Variants in CAPZB observed in about 807,000 individuals in gnomAD.
The protein encoded by CAPZB is F-actin-capping protein subunit beta.
CAPZB carries 2 observed loss-of-function variants against 38.1 expected under a neutral mutation model. The observed-to-expected ratio is 0.05, with a 90% CI of 0.02 to 0.17. The LOEUF is 0.17. CAPZB is among the 10% of genes least tolerant of loss of function. The pLI is 1.00. For synonymous variants in CAPZB, 107 were observed against 127.4 expected (o/e 0.84, Z 1.08); for missense variants, 161 against 334.2 (o/e 0.48, Z 4.04).
chr1:19,410,237 C>G (rs897412545), intron 2 of CAPZB, among the ~76,000 whole-genome samples: 1 of 152,292 alleles, frequency 6.6e-6, no homozygotes, highest in East Asian at 1.9e-4. Context: ...CAGCATAAAT[C>G]AGTTAGAACA....
At chr1:19,342,120 A>G (rs542967947) in intron 8 of CAPZB, among the ~76,000 whole-genome samples, 1 of 152,380 alleles carries the variant, frequency 6.6e-6, no homozygotes, top group East Asian at 1.9e-4. Flanking sequence ...TTAAAGGAAC[A>G]GCTGCAGCTC....
At chr1:19,383,866 ACCCCACCTCCTCTTCTTCCAT>A (rs919520783) in intron 3 of CAPZB, among the ~76,000 whole-genome samples, 14 of 151,236 alleles carry the variant, frequency 9.3e-5, no homozygotes, top group African/African-American at 3.2e-4. Context: ...CACCCTTCAC[ACCCCACCTCCTCTTCTTCCAT>A]CCCCACCTAC....
At chr1:19,344,175 A>G (rs180987422) in intron 8 of CAPZB, among the ~76,000 whole-genome samples, 183 bp downstream of exon 8, 6 of 152,290 alleles carry the variant, frequency 3.9e-5, no homozygotes, top group Admixed American at 1.3e-4. Context: ...GCTGCTACGG[A>G]GAGTGCAGAT....
chr1:19,341,024 A>G (rs1047238191), intron 8 of CAPZB, among the ~76,000 whole-genome samples: 3 of 152,320 alleles, frequency 2.0e-5, no homozygotes, highest in South Asian at 2.1e-4. Flanking sequence ...AGGAGAAGCA[A>G]CAGCACCCAG....
At chr1:19,347,140 C>A (rs1202169926) in intron 6 of CAPZB, among the ~76,000 whole-genome samples, 1 of 152,018 alleles carries the variant, frequency 6.6e-6, no homozygotes. Flanking sequence ...TGCACCTGGC[C>A]GACCCAACTT....
chr1:19,393,131 C>G (rs1446081759), intron 2 of CAPZB, among the ~76,000 whole-genome samples: 1 of 152,240 alleles, frequency 6.6e-6, no homozygotes, highest in Non-Finnish European at 1.5e-5. Flanking sequence ...CACTGAGCCA[C>G]GGAAGCACAG....
At chr1:19,377,762 G>C (rs558235293) in intron 4 of CAPZB, among the ~76,000 whole-genome samples, 1 of 152,306 alleles carries the variant, frequency 6.6e-6, no homozygotes, top group African/African-American at 2.4e-5. Context: ...AACTTTCTCT[G>C]GAGCCCTTCC....
chr1:19,381,929 C>T (rs2094177201), intron 3 of CAPZB, among the ~76,000 whole-genome samples: 1 of 152,108 alleles, frequency 6.6e-6, no homozygotes, highest in East Asian at 1.9e-4. Flanking sequence ...ATAAACAAGG[C>T]TTGGTTCTTC....
At position 19,357,162 on chromosome 1, in the gene CAPZB, G is replaced by A. The variant is rs2094026072; in HGVS notation, c.471+260C>T. Among the ~76,000 whole-genome samples, 1 of 152,140 alleles carries A rather than the reference G, an allele frequency of 6.6e-6. No homozygotes were observed. The highest frequency in any genetic ancestry group is 2.1e-4 in the South Asian group (1 of 4,822). On this transcript the variant is annotated intron_variant, in intron 5 of 8. Coordinates refer to ENST00000264202, the MANE Select transcript of CAPZB (RefSeq NM_004930.5). The surrounding 1 kb of genome is among the most constrained non-coding windows in gnomAD (Gnocchi z 4.3). ...TTACAGGCCCGAGCCACCGTACCTG[G>A]CCTCACAATATTGTCTTTCTTAAAA... is the stretch of plus-strand genomic sequence containing the variant.
intron 2 of CAPZB, among the ~76,000 whole-genome samples, chr1:19,394,228 C>T (rs997177282): frequency 7.9e-5 from 12 of 152,086 alleles, no homozygotes; most frequent in Non-Finnish European, 8.8e-5. Context: ...TCAGGTGATC[C>T]GTCCTCCTTG....
intron 2 of CAPZB, among the ~76,000 whole-genome samples, chr1:19,391,747 T>C (rs1041633239): frequency 6.6e-6 from 1 of 152,164 alleles, no homozygotes; most frequent in African/African-American, 2.4e-5. Flanking sequence ...ACAACATCCA[T>C]GTCAAGGAGA....
intron 1 of CAPZB, among the ~76,000 whole-genome samples, chr1:19,420,539 C>A (rs1233515093): frequency 6.6e-6 from 1 of 151,464 alleles, no homozygotes; most frequent in African/African-American, 2.4e-5. Context: ...ACCTCAGCCT[C>A]CAAAGTAGCT....
rs2094154911 is a variant in CAPZB at position 19,378,484 on chromosome 1, G to C, written c.329+56C>G. ...ATTCCAGATAGAACACTGCCACTTA[G>C]GATTTACCTCTCAAAACTCACAAGC... On this transcript the variant is annotated intron_variant, in intron 4 of 8. Transcript: ENST00000264202. 3 of 982,096 alleles carry C rather than the reference G, an allele frequency of 3.1e-6. No homozygotes were observed. In the East Asian group the frequency reaches 7.2e-5, roughly 23 times the overall value. 60.8% of individuals were successfully genotyped at this position (982,096 alleles called of 1,614,324 possible).
At chr1:19,478,161 A>G (rs759169169) in intron 1 of CAPZB, among the ~76,000 whole-genome samples, 1 of 152,230 alleles carries the variant, frequency 6.6e-6, no homozygotes, top group South Asian at 2.1e-4. Flanking sequence ...TGCTGTTTTC[A>G]GCAGTCTGGT....
intron 2 of CAPZB, among the ~76,000 whole-genome samples, chr1:19,409,595 G>A (rs1481946677): frequency 8.5e-5 from 13 of 152,226 alleles, no homozygotes. Context: ...GAGTCAGGTT[G>A]TCTGGGTTCA....
At chr1:19,430,619 C>G (rs2094438771) in intron 1 of CAPZB, among the ~76,000 whole-genome samples, 1 of 152,138 alleles carries the variant, frequency 6.6e-6, no homozygotes, top group South Asian at 2.1e-4. Context: ...GGGGTTTATT[C>G]TGCTGCTCTT....
At chr1:19,368,997 C>T (rs986623585) in intron 4 of CAPZB, among the ~76,000 whole-genome samples, 1 of 152,150 alleles carries the variant, frequency 6.6e-6, no homozygotes, top group Non-Finnish European at 1.5e-5. Flanking sequence ...GTGCAACGGC[C>T]CAAACCAAAG....
intron 4 of CAPZB, among the ~76,000 whole-genome samples, chr1:19,366,273 C>G (rs982757812): frequency 8.8e-6 from 1 of 113,032 alleles, no homozygotes; most frequent in African/African-American, 4.3e-5. Flanking sequence ...ATAGTGAGAC[C>G]GTGTCTTAAA....
intron 4 of CAPZB, among the ~76,000 whole-genome samples, chr1:19,375,114 G>A (rs775212288): frequency 5.3e-5 from 8 of 152,150 alleles, no homozygotes; most frequent in East Asian, 1.9e-4. Flanking sequence ...ACAGCCTCGC[G>A]GGGCACTCTG....
Sources: allele counts gnomAD v4.1 joint callset (sites outside exome capture counted in the v4.1 genomes callset), GRCh38; gene constraint gnomAD v4.1.1; non-coding constraint Gnocchi (gnomAD v3.1); transcripts MANE v1.5; gene names NCBI Gene and HGNC (gene_info 2026-07-23, HGNC 2026-07-21).